The following LRCH4 variants were observed in gnomAD, a reference collection of about 807,000 sequenced individuals.
The protein encoded by LRCH4 is leucine rich repeats and calponin homology domain containing 4.
Under a neutral mutation model 81.2 loss-of-function variants are expected in LRCH4, and 56 were observed. The ratio of observed to expected loss-of-function variants is 0.69; its 90% CI spans 0.56 to 0.86. LRCH4 has a LOEUF of 0.86. Among genes scored for constraint, LRCH4 ranks in the 40% least tolerant of loss-of-function variants. The pLI is 0.00. For synonymous variants in LRCH4, 442 were observed against 409.7 expected, an observed-to-expected ratio of 1.08 and a Z score of -0.95; for missense variants, 895 against 922.8, an observed-to-expected ratio of 0.97 and a Z score of 0.39.
chr7:100,585,752 G>T, intron 1 of LRCH4, 129 bp downstream of exon 1: 1 of 951,372 alleles, frequency 1.1e-6, no homozygotes, highest in Non-Finnish European at 1.5e-6. Flanking sequence ...CAGGTTTAGG[G>T]CAATCAGGAG....
At position 100,583,825 on chromosome 7, in the gene LRCH4, T is replaced by C. The variant is rs903203045; in HGVS notation, c.221-1366A>G. Among the ~76,000 whole-genome samples, 2 of 152,088 alleles carry C rather than the reference T, an allele frequency of 1.3e-5. No homozygotes were observed. The highest frequency in any genetic ancestry group is 1.5e-5 in the Non-Finnish European group (1 of 68,012). ...CGCTTTCTCTGCAAATGTGTTTGTGTGTGTGCATGTGGACGAAGGGGGTGG... is the reference window on the plus strand; with the variant it reads ...CGCTTTCTCTGCAAATGTGTTTGTGCGTGTGCATGTGGACGAAGGGGGTGG... On this transcript the variant is annotated intron_variant, in intron 1 of 17. Transcript: ENST00000310300. This position sits in a 1 kb window ranked among gnomAD's most constrained non-coding sequence, Gnocchi z 4.3.
At position 100,576,986 on chromosome 7, in the gene LRCH4, C is replaced by G. The variant is rs749068908; in HGVS notation, c.1384G>C (p.Ala462Pro). The change falls in exon 13 of 18, where the codon GCC becomes CCC. Residue 462 changes from alanine to proline, a missense_variant. Transcript: ENST00000310300. ...AMHNGSPKSS[A>P]SQAGAAAGQG... ...CCCGCTGCAGCCCCTGCTTGGGAGG[C>G]ACTGGACTTAGGCGAGCCGCTGAGG... 22 of 1,607,934 alleles carry G rather than the reference C, an allele frequency of 1.4e-5. No individual in the cohort carries two copies. Among genetic ancestry groups the G allele is most frequent in the African/African-American group, 2.7e-5 (2 of 74,960 alleles).
In LRCH4 at chr7:100,575,938, A is replaced by G; in HGVS notation, c.1709T>C (p.Leu570Pro). The G allele has an allele frequency of 6.2e-7, 1 of 1,611,378 alleles. No individual in the cohort carries two copies. The change falls in exon 16 of 18, where the codon CTG becomes CCG. Residue 570 changes from leucine to proline, a missense_variant. Physicochemically the swap from Leu to Pro is moderately conservative, Grantham distance 98 (BLOSUM62 -3). Around this residue, in one of 3 missense-constraint regions of LRCH4, gnomAD observed 529 missense variants for 504.9 expected, o/e 1.05. Coordinates refer to ENST00000310300, the MANE Select transcript of LRCH4 (RefSeq NM_002319.5). The surrounding 1 kb of genome is among the most constrained non-coding windows in gnomAD (Gnocchi z 5.3). ...CCGTAGCTGGTTGGCCAGCTGGCAC[A>G]GGATGACCCCACTGGCCAGAGCCTC... is the stretch of plus-strand genomic sequence containing the variant. ...LAEALASGVI[L>P]CQLANQLRPR...
Position 100,575,478 on chromosome 7 carries a change from G to T in LRCH4, c.1855-174C>A. On this transcript the variant is annotated intron_variant, in intron 17 of 17. Transcript: ENST00000310300. The surrounding 1 kb of genome is among the most constrained non-coding windows in gnomAD (Gnocchi z 5.3). ...GGAGTGCAGGGCAGGGCATGTGCAG[G>T]ACAGGTGACATGCAGGACAAGATGG... 1.2e-6 allele frequency: 1 copy of T among 818,862 alleles called. No homozygotes were observed. The highest frequency in any genetic ancestry group is 2.1e-6 in the Non-Finnish European group (1 of 487,050). 50.7% of individuals were successfully genotyped at this position (818,862 alleles called of 1,614,324 possible).
At position 100,582,077 on chromosome 7, in the gene LRCH4, G is replaced by C; in HGVS notation, c.456C>G (p.Pro152=). The C allele has an allele frequency of 6.2e-7, 1 of 1,611,772 alleles. No homozygotes were observed. Among genetic ancestry groups the C allele is most frequent in the South Asian group, 1.1e-5 (1 of 90,998 alleles). The change falls in exon 3 of 18, where the codon CCC becomes CCG. Residue 152 remains proline, a synonymous_variant. Transcript: ENST00000310300. This position sits in a 1 kb window ranked among gnomAD's most constrained non-coding sequence, Gnocchi z 5.0. ...IVSNNKLGAL[P]PDIGTLGSLR... is the part of the protein sequence containing the mutation. ...GGCTTCCCAGGGTGCCGATGTCAGGGGGCAGGGCTCCCAGCTTGTTGTTGC... is the reference window on the plus strand; with the variant it reads ...GGCTTCCCAGGGTGCCGATGTCAGGCGGCAGGGCTCCCAGCTTGTTGTTGC...
chr7:100,584,155 T>A (rs991760237), intron 1 of LRCH4: 2 of 456,144 alleles, frequency 4.4e-6, no homozygotes, highest in Non-Finnish European at 8.8e-6. Flanking sequence ...AGCAAGGCAC[T>A]GATGCTTTTC....
Position 100,577,050 on chromosome 7 carries a change from A to C in LRCH4, c.1364+36T>G, listed in dbSNP as rs1554349237. The C allele has an allele frequency of 1.2e-6, 2 of 1,614,048 alleles. No homozygotes were observed. The highest frequency in any genetic ancestry group is 1.1e-5 in the South Asian group (1 of 91,090). ...AATTAGAGGGATGATGGTCATAGGA[A>C]GAGGAGTGGGGAGGGGATGCTGGCA... On this transcript the variant is annotated intron_variant, in intron 12 of 17. Transcript: ENST00000310300. The surrounding 1 kb of genome is among the most constrained non-coding windows in gnomAD (Gnocchi z 6.7).
chr7:100,575,395 T>G lies in LRCH4; in HGVS notation c.1855-91A>C, dbSNP rs1294778343. ...CCCTCCCACCCCTGCCCTCACGTGC[T>G]GGGGCCAGAACCACGCCCACATGCT... On this transcript the variant is annotated intron_variant, in intron 17 of 17. Coordinates refer to ENST00000310300, the MANE Select transcript of LRCH4 (RefSeq NM_002319.5). The surrounding 1 kb of genome is among the most constrained non-coding windows in gnomAD (Gnocchi z 5.3). 8.1e-7 allele frequency: 1 copy of G among 1,235,298 alleles called. No homozygotes were observed. Among genetic ancestry groups the G allele is most frequent in the African/African-American group, 1.5e-5 (1 of 67,404 alleles). The allele number at this position is 1,235,298 out of a possible 1,614,324, so 76.5% of individuals were successfully genotyped here. A position where few individuals can be genotyped will look rare whatever the true frequency, so the allele number is the denominator to read the frequency against.
At position 100,578,604 on chromosome 7, in the gene LRCH4, CCTAGCCACACCCCTGT is replaced by C; in HGVS notation, c.735+30_735+45del. ...TCCAAGGGGACCAACCCCACTCCTGCCTAGCCACACCCCTGTCCTCGTGGCCCCCCAGGCACCCGCC... is the reference window on the plus strand; with the variant it reads ...TCCAAGGGGACCAACCCCACTCCTGCCCTCGTGGCCCCCCAGGCACCCGCC... On this transcript the variant is annotated intron_variant, in intron 5 of 17. Coordinates refer to ENST00000310300, the MANE Select transcript of LRCH4 (RefSeq NM_002319.5). This position sits in a 1 kb window ranked among gnomAD's most constrained non-coding sequence, Gnocchi z 5.7. 1 of 1,604,638 alleles carries C rather than the reference CCTAGCCACACCCCTGT, an allele frequency of 6.2e-7. No homozygotes were observed. The highest frequency in any genetic ancestry group is 8.5e-7 in the Non-Finnish European group (1 of 1,174,386).
chr7:100,576,799 C>T (rs1040078442), intron 13 of LRCH4, 22 bp from the exon 14 acceptor site: 7 of 1,569,422 alleles, frequency 4.5e-6, no homozygotes, highest in Non-Finnish European at 6.1e-6. Context: ...ACCAGGGACA[C>T]AGCGACAGGG....
intron 13 of LRCH4, 46 bp downstream of exon 13, chr7:100,576,856 C>G: frequency 6.5e-7 from 1 of 1,538,538 alleles, no homozygotes; most frequent in Non-Finnish European, 8.8e-7. Context: ...CCCAACCAGC[C>G]CTCACCAACA....
intron 1 of LRCH4, among the ~76,000 whole-genome samples, chr7:100,584,371 C>G (rs978978830): frequency 1.7e-4 from 26 of 151,918 alleles, no homozygotes; most frequent in South Asian, 8.3e-4. Context: ...CCGACCCCCC[C>G]CCAAGCTCAC....
At chr7:100,584,173 T>C (rs777578945) in intron 1 of LRCH4, 5 of 456,150 alleles carry the variant, frequency 1.1e-5, no homozygotes, top group South Asian at 7.7e-5. Flanking sequence ...TTCGTCTGCT[T>C]GGAGGGCGAG....
In LRCH4 at chr7:100,577,369, T is replaced by A. The variant is rs1562805727; in HGVS notation, c.1199A>T (p.Glu400Val). ...PSSRREEPAG[E>V]ERRRPDTLQL... ...CAAGGTGTCCGGGCGCCGCCGCTCC[T>A]CCCCTGCCGGCTCCTCCCGCCTGAG... Residue 400 changes from glutamate to valine, a missense_variant, in exon 11 of 18, where the codon GAG becomes GTG. Glu to Val is a moderately radical substitution (Grantham distance 121, BLOSUM62 -2). Coordinates refer to ENST00000310300, the MANE Select transcript of LRCH4 (RefSeq NM_002319.5). The surrounding 1 kb of genome is among the most constrained non-coding windows in gnomAD (Gnocchi z 6.7). 1 of 1,599,552 alleles carries A rather than the reference T, an allele frequency of 6.3e-7. No individual in the cohort carries two copies. Among genetic ancestry groups the A allele is most frequent in the African/African-American group, 1.3e-5 (1 of 74,936 alleles).
rs749543486 is a variant in LRCH4, at chr7:100,581,767, T to G, written c.598+10A>C. On this transcript the variant is annotated intron_variant, in intron 4 of 17. Coordinates refer to ENST00000310300, the MANE Select transcript of LRCH4 (RefSeq NM_002319.5). ...CAAACACCTCCTCTCCAGTTCTTCA[T>G]TCTTCTCACCTTCGGGCAGCGTACT... 3 of 1,613,596 alleles carry G rather than the reference T, an allele frequency of 1.9e-6. No homozygotes were observed. Among genetic ancestry groups the G allele is most frequent in the Non-Finnish European group, 2.5e-6 (3 of 1,179,620 alleles).
chr7:100,584,195 G>A, intron 1 of LRCH4: 1 of 456,524 alleles, frequency 2.2e-6, no homozygotes, highest in Non-Finnish European at 4.4e-6. Flanking sequence ...AGAGATGGAG[G>A]GCAGGGTATG....
rs1562805560 is a variant in LRCH4, at chr7:100,577,228, A to C, written c.1295+45T>G. 1 of 1,607,168 alleles carries C rather than the reference A, an allele frequency of 6.2e-7. No homozygotes were observed. Among genetic ancestry groups the C allele is most frequent in the South Asian group, 1.1e-5 (1 of 91,038 alleles). On this transcript the variant is annotated intron_variant, in intron 11 of 17. Transcript: ENST00000310300. This position sits in a 1 kb window ranked among gnomAD's most constrained non-coding sequence, Gnocchi z 6.7. ...AGCGGGGCTCGGTGGCCCCATTTCC[A>C]GGGCTCAGTGTCCAGCAACAGCCCC...
At chr7:100,576,828 C>T (rs1397298447) in intron 13 of LRCH4, 51 bp from the exon 14 acceptor site, 2 of 1,529,534 alleles carry the variant, frequency 1.3e-6, no homozygotes, top group Non-Finnish European at 1.8e-6. Context: ...GACAGGCATC[C>T]CCTCTGTGTC....
rs1219373862 is a variant in LRCH4 at position 100,582,095 on chromosome 7, G to A, written c.438C>T (p.Asn146=). 6.2e-7 allele frequency: 1 copy of A among 1,612,282 alleles called. No individual in the cohort carries two copies. The highest frequency in any genetic ancestry group is 1.7e-5 in the Admixed American group (1 of 59,900). The change falls in exon 3 of 18, where the codon AAC becomes AAT. Residue 146 remains asparagine, a synonymous_variant. Coordinates refer to ENST00000310300, the MANE Select transcript of LRCH4 (RefSeq NM_002319.5). This position sits in a 1 kb window ranked among gnomAD's most constrained non-coding sequence, Gnocchi z 5.0. ...LPLRVLIVSN[N]KLGALPPDIG... ...TGTCAGGGGGCAGGGCTCCCAGCTT[G>A]TTGTTGCTGACGATGAGGACCCTCA... is the stretch of plus-strand genomic sequence containing the variant.
Sources: allele counts gnomAD v4.1 joint callset (sites outside exome capture counted in the v4.1 genomes callset), GRCh38; gene constraint gnomAD v4.1.1; regional missense constraint gnomAD v4.1.1; non-coding constraint Gnocchi (gnomAD v3.1); transcripts MANE v1.5; gene names NCBI Gene and HGNC (gene_info 2026-07-23, HGNC 2026-07-21).